NHSL1: variants seen among roughly 807,000 people sequenced by gnomAD.
The protein encoded by NHSL1 is NHS like 1, also known as NHS-like protein 1.
Under a neutral mutation model 95.0 loss-of-function variants are expected in NHSL1, and 48 were observed. The observed-to-expected ratio is 0.51, with a 90% CI of 0.40 to 0.64. The LOEUF (loss-of-function observed/expected upper bound fraction) is 0.64. Among genes scored for constraint, NHSL1 ranks in the 30% least tolerant of loss-of-function variants. The pLI, the probability that NHSL1 is intolerant of heterozygous loss-of-function variation, is 0.00. For synonymous variants in NHSL1, 783 were observed against 833.9 expected (o/e 0.94, Z 1.05); for missense variants, 1,971 against 2,077.7 (o/e 0.95, Z 1.00).
intron 1 of NHSL1, among the ~76,000 whole-genome samples, chr6:138,638,176 G>A (rs1345127123): frequency 1.3e-5 from 2 of 152,030 alleles, no homozygotes; most frequent in East Asian, 1.9e-4. Context: ...TTGAATTCAC[G>A]AAGATAGAAG....
chr6:138,662,960 G>C (rs1261199977), intron 1 of NHSL1, among the ~76,000 whole-genome samples: 6 of 149,400 alleles, frequency 4.0e-5, no homozygotes. Flanking sequence ...AAAAAAAATG[G>C]TTACCTGTGA....
intron 1 of NHSL1, among the ~76,000 whole-genome samples, chr6:138,657,060 C>T (rs552257855): frequency 1.3e-5 from 2 of 152,122 alleles, no homozygotes; most frequent in Non-Finnish European, 2.9e-5. Context: ...AAGTGTGGTG[C>T]TAATTTTTCC....
chr6:138,627,602 G>A lies in NHSL1; in HGVS notation c.96+64874C>T, dbSNP rs184974226. ...TACCAGATATAAGAAATTCATTTAT[G>A]GCCAGTCGCGGTGGCTCACGCCTGT... On this transcript the variant is annotated intron_variant, in intron 1 of 3. Transcript: ENST00000491526. Among the ~76,000 whole-genome samples, 4 of 152,270 alleles carry A rather than the reference G, an allele frequency of 2.6e-5. No homozygotes were observed. In the East Asian group the frequency reaches 7.7e-4, roughly 29 times the overall value.
intron 1 of NHSL1, among the ~76,000 whole-genome samples, chr6:138,647,032 G>C (rs1478995956): frequency 1.3e-5 from 2 of 152,196 alleles, no homozygotes; most frequent in Non-Finnish European, 1.5e-5. Flanking sequence ...CCGTGATGGA[G>C]AGTAAAATCT....
intron 1 of NHSL1, among the ~76,000 whole-genome samples, chr6:138,593,797 G>C (rs1784265461): frequency 6.6e-6 from 1 of 152,188 alleles, no homozygotes; most frequent in Non-Finnish European, 1.5e-5. Context: ...TTATGAATTA[G>C]TAAACTGCTT....
At chr6:138,483,216 A>C (rs1177467558) in intron 2 of NHSL1, among the ~76,000 whole-genome samples, 1 of 152,246 alleles carries the variant, frequency 6.6e-6, no homozygotes, top group Admixed American at 6.5e-5. Context: ...GATCCCAAAG[A>C]GGGCAATAGA....
At chr6:138,615,872 C>T (rs773560201) in intron 1 of NHSL1, among the ~76,000 whole-genome samples, 9 of 152,012 alleles carry the variant, frequency 5.9e-5, no homozygotes, top group Non-Finnish European at 1.2e-4. Context: ...ACATCAATAC[C>T]TGTGACTCCT....
chr6:138,478,935 A>AT (rs1779253175), intron 2 of NHSL1, among the ~76,000 whole-genome samples: 1 of 152,190 alleles, frequency 6.6e-6, no homozygotes, highest in East Asian at 1.9e-4. Context: ...GAAAAAAATA[A>AT]TGTCATAGCG....
In NHSL1 at chr6:138,432,576, G is replaced by T. The variant is rs774540847; in HGVS notation, c.1769C>A (p.Thr590Lys). 1.9e-6 allele frequency: 3 copies of T among 1,551,594 alleles called. No homozygotes were observed. Among genetic ancestry groups the T allele is most frequent in the African/African-American group, 1.4e-5 (1 of 73,018 alleles). ...CGACCCAGCATCCTCTTTGTTGGAC[G>T]TTTGGTCCAAACTGCAGCTGCTCAT... The part of the protein sequence containing the change: ...SNMSSCSLDQ[T>K]SNKEDAGSLY... Residue 590 changes from threonine (T) to lysine (K), a missense_variant, in exon 6 of 8, where the codon ACG (threonine) becomes AAG (lysine). This residue lies in a region of NHSL1 where 1,602 missense variants were observed against 1,654.5 expected (regional missense o/e 0.97). Coordinates refer to ENST00000343505, the MANE Select transcript of NHSL1 (RefSeq NM_001144060.2). The surrounding 1 kb of genome is among the most constrained non-coding windows in gnomAD (Gnocchi z 4.4).
intron 1 of NHSL1, among the ~76,000 whole-genome samples, chr6:138,558,857 C>T (rs1414976924): frequency 2.0e-5 from 3 of 152,124 alleles, no homozygotes; most frequent in African/African-American, 7.2e-5. Flanking sequence ...GCCTGGGCAA[C>T]ATAGCAAGAC....
At chr6:138,687,216 G>A (rs941049544) in intron 1 of NHSL1, among the ~76,000 whole-genome samples, 8 of 151,854 alleles carry the variant, frequency 5.3e-5, no homozygotes, top group Middle Eastern at 3.4e-3. Flanking sequence ...AGGGAGGATC[G>A]CTTGAGCCCA....
chr6:138,451,945 G>A (rs1158433859), intron 3 of NHSL1, among the ~76,000 whole-genome samples: 1 of 152,152 alleles, frequency 6.6e-6, no homozygotes, highest in Non-Finnish European at 1.5e-5. Context: ...TGTATGTTTT[G>A]ATCAACTCAA....
intron 1 of NHSL1, among the ~76,000 whole-genome samples, chr6:138,635,253 A>T (rs1784872658): frequency 1.3e-5 from 2 of 152,284 alleles, no homozygotes; most frequent in African/African-American, 4.8e-5. Flanking sequence ...AACATGAAAC[A>T]AAACGTTGGT....
At chr6:138,671,998 A>G (rs974000748) in intron 1 of NHSL1, among the ~76,000 whole-genome samples, 2 of 152,178 alleles carry the variant, frequency 1.3e-5, no homozygotes, top group East Asian at 1.9e-4. Flanking sequence ...TGAGAGGTCA[A>G]TAGATACCAA....
chr6:138,602,765 G>C (rs769681836), intron 1 of NHSL1, among the ~76,000 whole-genome samples: 3 of 152,154 alleles, frequency 2.0e-5, no homozygotes, highest in Non-Finnish European at 4.4e-5. Flanking sequence ...CATGGATAAA[G>C]AGAATCCACT....
chr6:138,432,628 G>C lies in NHSL1; in HGVS notation c.1717C>G (p.Pro573Ala). 1.9e-6 allele frequency: 3 copies of C among 1,551,732 alleles called. No individual in the cohort carries two copies. Among genetic ancestry groups the C allele is most frequent in the Non-Finnish European group, 2.6e-6 (3 of 1,146,954 alleles). ...ASPLKPHLAT[P>A]GYSTPTSNMS... Reference sequence around the variant, plus strand: ...TTACTTGTGGGAGTGGAATAGCCAGGAGTTGCTAAATGCGGCTTCAGGGGG... The same window carrying C: ...TTACTTGTGGGAGTGGAATAGCCAGCAGTTGCTAAATGCGGCTTCAGGGGG... Residue 573 changes from proline (P) to alanine (A), a missense_variant, in exon 6 of 8, where the codon CCT becomes GCT. Around this residue, in one of 3 missense-constraint regions of NHSL1, gnomAD observed 1,602 missense variants for 1,654.5 expected, o/e 0.97. Transcript: ENST00000343505. The surrounding 1 kb of genome is among the most constrained non-coding windows in gnomAD (Gnocchi z 4.4).
At chr6:138,636,688 A>G (rs1784892627) in intron 1 of NHSL1, among the ~76,000 whole-genome samples, 1 of 152,208 alleles carries the variant, frequency 6.6e-6, no homozygotes, top group African/African-American at 2.4e-5. Flanking sequence ...AATCAAATAC[A>G]TAAGAATTAA....
chr6:138,514,447 G>C (rs1781375427), intron 1 of NHSL1, among the ~76,000 whole-genome samples: 2 of 152,078 alleles, frequency 1.3e-5, no homozygotes, highest in African/African-American at 4.8e-5. Flanking sequence ...ACCACAGATG[G>C]TACCAAACCC....
chr6:138,583,765 C>G (rs1227264446), intron 1 of NHSL1, among the ~76,000 whole-genome samples: 2 of 152,204 alleles, frequency 1.3e-5, no homozygotes, highest in African/African-American at 2.4e-5. Flanking sequence ...ATAATCTAAT[C>G]TGGCTTGATT....
Sources: allele counts gnomAD v4.1 joint callset (sites outside exome capture counted in the v4.1 genomes callset), GRCh38; gene constraint gnomAD v4.1.1; regional missense constraint gnomAD v4.1.1; non-coding constraint Gnocchi (gnomAD v3.1); transcripts MANE v1.5; gene names NCBI Gene and HGNC (gene_info 2026-07-23, HGNC 2026-07-21).